The following CNTN3 variants were observed in gnomAD, a reference collection of about 807,000 sequenced individuals.
The protein encoded by CNTN3 is contactin-3.
A neutral mutation model predicts 119.1 loss-of-function variants in CNTN3; 60 were observed. That is an observed-to-expected ratio of 0.50 (90% CI 0.41 to 0.62). CNTN3 has a LOEUF of 0.62. CNTN3 is among the 20% of genes least tolerant of loss of function. The probability of loss-of-function intolerance (pLI) is 0.00; values close to 1 mark genes in which losing one functional copy is unlikely to be tolerated. For missense variants in CNTN3, 1,101 were observed against 1,242.4 expected, an observed-to-expected ratio of 0.89 and a Z score of 1.71; for synonymous variants, 450 against 438.7, an observed-to-expected ratio of 1.03 and a Z score of -0.32.
At chr3:74,593,961 A>C (rs1179426349) in intron 1 of CNTN3, among the ~76,000 whole-genome samples, 2 of 151,952 alleles carry the variant, frequency 1.3e-5, no homozygotes, top group African/African-American at 2.4e-5. Context: ...GGTGGAGAAA[A>C]AATATAAGAC....
At chr3:74,427,140 T>C (rs1355356552) in intron 4 of CNTN3, among the ~76,000 whole-genome samples, 1 of 152,102 alleles carries the variant, frequency 6.6e-6, no homozygotes, top group Non-Finnish European at 1.5e-5. Context: ...AGTGCACGAG[T>C]GCAAGGAATA....
intron 1 of CNTN3, among the ~76,000 whole-genome samples, chr3:74,588,487 T>C (rs1255941613): frequency 6.6e-6 from 1 of 152,072 alleles, no homozygotes; most frequent in Non-Finnish European, 1.5e-5. Flanking sequence ...CATTCCATGC[T>C]CATGGGTAGG....
chr3:74,425,459 A>G (rs1324092510), intron 4 of CNTN3, among the ~76,000 whole-genome samples: 1 of 152,222 alleles, frequency 6.6e-6, no homozygotes, highest in Non-Finnish European at 1.5e-5. Flanking sequence ...AAGCTTCTAG[A>G]AATTCAGCAA....
chr3:74,288,476 T>C (rs1208976019), intron 19 of CNTN3, among the ~76,000 whole-genome samples: 3 of 152,090 alleles, frequency 2.0e-5, no homozygotes, highest in Non-Finnish European at 4.4e-5. Context: ...TTTTTCATTC[T>C]AATTCAAATA....
intron 1 of CNTN3, among the ~76,000 whole-genome samples, chr3:74,570,310 G>A (rs1704292769): frequency 6.6e-6 from 1 of 151,932 alleles, no homozygotes; most frequent in African/African-American, 2.4e-5. Context: ...TTCTGAGTTA[G>A]GAAACAGTAC....
intron 11 of CNTN3, among the ~76,000 whole-genome samples, chr3:74,349,063 G>A (rs958585553): frequency 6.6e-6 from 1 of 151,816 alleles, no homozygotes; most frequent in Non-Finnish European, 1.5e-5. Flanking sequence ...TCCAGTCTGG[G>A]TGACACAGCG....
intron 1 of CNTN3, among the ~76,000 whole-genome samples, chr3:74,551,754 C>CTTTTTTTTTTTTTTTTTTTTTTT (rs776621925): frequency 1.7e-5 from 1 of 60,178 alleles, no homozygotes; most frequent in Non-Finnish European, 2.8e-5. Context: ...TCTTCTTCTT[C>CTTTTTTTTTTTTTTTTTTTTTTT]TTTTTTTTTT....
intron 1 of CNTN3, among the ~76,000 whole-genome samples, chr3:74,557,098 C>G (rs1348603707): frequency 6.6e-6 from 1 of 151,794 alleles, no homozygotes; most frequent in Admixed American, 6.6e-5. Flanking sequence ...TTTTTACTTC[C>G]TAACTGGTGT....
At chr3:74,488,406 C>T (rs1054086750) in intron 3 of CNTN3, among the ~76,000 whole-genome samples, 3 of 152,156 alleles carry the variant, frequency 2.0e-5, no homozygotes, top group African/African-American at 7.2e-5. Flanking sequence ...AGCCACTGCA[C>T]CCGGCCATAA....
At chr3:74,607,473 T>C (rs939455797) in intron 1 of CNTN3, among the ~76,000 whole-genome samples, 1 of 152,216 alleles carries the variant, frequency 6.6e-6, no homozygotes, top group African/African-American at 2.4e-5. Flanking sequence ...GCATGAAGCA[T>C]TCAGTTGGGG....
chr3:74,466,354 G>A (rs1312419863), intron 4 of CNTN3, among the ~76,000 whole-genome samples: 2 of 152,106 alleles, frequency 1.3e-5, no homozygotes, highest in East Asian at 3.9e-4. Flanking sequence ...CCAAAATACA[G>A]TGTTAGAAAA....
intron 4 of CNTN3, among the ~76,000 whole-genome samples, chr3:74,448,639 C>T (rs1177786091): frequency 1.3e-5 from 2 of 152,068 alleles, no homozygotes; most frequent in Non-Finnish European, 2.9e-5. Context: ...ACGTTGCATA[C>T]ATTTATTGGG....
At chr3:74,430,286 T>C (rs376682798) in intron 4 of CNTN3, among the ~76,000 whole-genome samples, 127 of 152,302 alleles carry the variant, frequency 8.3e-4, no homozygotes, top group Non-Finnish European at 1.4e-3. Context: ...GCTACATCCA[T>C]ACCATGGAAT....
intron 1 of CNTN3, among the ~76,000 whole-genome samples, chr3:74,596,670 T>C (rs759080285): frequency 1.4e-4 from 21 of 152,168 alleles, no homozygotes; most frequent in Non-Finnish European, 2.8e-4. Flanking sequence ...TCCAAAACTG[T>C]ATTTCTTATT....
chr3:74,579,588 T>C (rs906248660), intron 1 of CNTN3, among the ~76,000 whole-genome samples: 3 of 152,072 alleles, frequency 2.0e-5, no homozygotes, highest in Non-Finnish European at 4.4e-5. Flanking sequence ...TGACAACAAA[T>C]GCATTAAATT....
rs1027829488 is a variant in CNTN3, at chr3:74,263,215, T to C, written c.*1186A>G. On this transcript the variant is annotated 3_prime_UTR_variant, in exon 23 of 23. Transcript: ENST00000263665. ...TCAACAATTTTTTGAAAACCACATA[T>C]TGAAAGACTGAGTCATACATATCAA... The C allele has an allele frequency of 6.6e-6, 1 of 152,136 alleles. No individual in the cohort carries two copies. The highest frequency in any genetic ancestry group is 1.5e-5 in the Non-Finnish European group (1 of 67,992). 9.4% of individuals were successfully genotyped at this position (152,136 alleles called of 1,614,324 possible). A position where few individuals can be genotyped will look rare whatever the true frequency, so the allele number is the denominator to read the frequency against.
intron 9 of CNTN3, among the ~76,000 whole-genome samples, chr3:74,365,037 C>A (rs1277928672): frequency 1.3e-5 from 2 of 152,008 alleles, no homozygotes; most frequent in African/African-American, 4.8e-5. Context: ...CTGGGAAACA[C>A]ATATATTTAC....
intron 5 of CNTN3, among the ~76,000 whole-genome samples, chr3:74,410,656 A>G (rs112378918): frequency 2.9e-4 from 44 of 152,260 alleles, no homozygotes; most frequent in African/African-American, 9.6e-4. Flanking sequence ...GTGGGATACA[A>G]TATGTTTTGG....
At chr3:74,421,187 T>C (rs1701610358) in intron 5 of CNTN3, among the ~76,000 whole-genome samples, 1 of 152,178 alleles carries the variant, frequency 6.6e-6, no homozygotes, top group South Asian at 2.1e-4. Context: ...TTTATTTTTT[T>C]TGAGACAGAG....
Sources: gnomAD v4.1 joint callset for allele counts (sites outside exome capture counted in the v4.1 genomes callset) on GRCh38, gnomAD v4.1.1 for gene constraint, MANE v1.5 for transcripts, NCBI Gene and HGNC (gene_info 2026-07-23, HGNC 2026-07-21) for gene names.